Variants in BCL11B observed in about 807,000 individuals in gnomAD.
BCL11B encodes B-cell lymphoma/leukemia 11B.
In BCL11B, 8 loss-of-function variants were observed where a neutral mutation model predicts 49.9. The ratio of observed to expected loss-of-function variants is 0.16; its 90% CI spans 0.09 to 0.29. The LOEUF (loss-of-function observed/expected upper bound fraction) is 0.29, where lower values mean the gene tolerates loss of function less well. BCL11B is among the 10% of genes least tolerant of loss of function. BCL11B has a pLI of 1.00. For synonymous variants in BCL11B, 739 were observed against 637.4 expected, an observed-to-expected ratio of 1.16 and a Z score of -2.40; for missense variants, 1,006 against 1,351.0, an observed-to-expected ratio of 0.74 and a Z score of 4.00.
intron 1 of BCL11B, among the ~76,000 whole-genome samples, chr14:99,265,865 T>C (rs1269704055): frequency 6.6e-6 from 1 of 152,238 alleles, no homozygotes; most frequent in Non-Finnish European, 1.5e-5. Flanking sequence ...TGTCGCAGGG[T>C]AACCTCTTCT....
Position 99,262,669 on chromosome 14 carries a change from G to T in BCL11B, c.59-4830C>A, listed in dbSNP as rs530118834. ...CTACGAAGAGGGAGCTCTTGCCAGC[G>T]AGCCCATGCTTACCCATAATCTACG... is the stretch of plus-strand genomic sequence containing the variant. On this transcript the variant is annotated intron_variant, in intron 1 of 3. Transcript: ENST00000357195. The surrounding 1 kb of genome is among the most constrained non-coding windows in gnomAD (Gnocchi z 4.2). Among the ~76,000 whole-genome samples, 13 of 152,124 alleles carry T rather than the reference G, an allele frequency of 8.5e-5. No individual in the cohort carries two copies. Among genetic ancestry groups the T allele is most frequent in the African/African-American group, 2.9e-4 (12 of 41,422 alleles).
intron 3 of BCL11B, among the ~76,000 whole-genome samples, chr14:99,220,145 A>T (rs1339884258): frequency 6.6e-6 from 1 of 152,248 alleles, no homozygotes; most frequent in Non-Finnish European, 1.5e-5. Flanking sequence ...ACTGTTGGTG[A>T]GAATGTAAAA....
chr14:99,239,740 C>T (rs997226435), intron 2 of BCL11B, among the ~76,000 whole-genome samples: 3 of 152,166 alleles, frequency 2.0e-5, no homozygotes, highest in Non-Finnish European at 4.4e-5. Context: ...CTGGCCCTCC[C>T]TAAAACATGT....
At chr14:99,230,238 C>T (rs1337211464) in intron 3 of BCL11B, among the ~76,000 whole-genome samples, 1 of 152,236 alleles carries the variant, frequency 6.6e-6, no homozygotes, top group Non-Finnish European at 1.5e-5. Flanking sequence ...GTGGCTCCAT[C>T]AGGGACCGCC....
At position 99,173,361 on chromosome 14, in the gene BCL11B, G is replaced by T. The variant is rs538921770; in HGVS notation, c.*790C>A. On this transcript the variant is annotated 3_prime_UTR_variant, in exon 4 of 4. Transcript: ENST00000357195. ...CTATCTCTGGCGGCGCTGAGTCTGTGGGGTGCCTCCCCCAGCACCACCACT... is the reference window on the plus strand; with the variant it reads ...CTATCTCTGGCGGCGCTGAGTCTGTTGGGTGCCTCCCCCAGCACCACCACT... 2.0e-4 allele frequency: 45 copies of T among 221,230 alleles called. No homozygotes were observed. The South Asian group carries it at 8.0e-3, about 39-fold the overall frequency. 13.7% of individuals were successfully genotyped at this position (221,230 alleles called of 1,614,324 possible). A position where few individuals can be genotyped will look rare whatever the true frequency, so the allele number is the denominator to read the frequency against.
chr14:99,268,684 G>A (rs1341152626), intron 1 of BCL11B, among the ~76,000 whole-genome samples: 2 of 152,134 alleles, frequency 1.3e-5, no homozygotes, highest in Middle Eastern at 3.2e-3. Flanking sequence ...GCTGCTTTTG[G>A]ATAATAAATA....
chr14:99,191,423 A>G (rs1887025754), intron 3 of BCL11B, among the ~76,000 whole-genome samples: 1 of 152,094 alleles, frequency 6.6e-6, no homozygotes, highest in Non-Finnish European at 1.5e-5. Context: ...AAATAGACTG[A>G]AAGAGAAAGT....
chr14:99,229,351 C>G (rs1335379548), intron 3 of BCL11B, among the ~76,000 whole-genome samples: 1 of 151,802 alleles, frequency 6.6e-6, no homozygotes, highest in East Asian at 1.9e-4. Context: ...TGTATGAGGA[C>G]TTGCTGATGG....
At chr14:99,218,975 C>T (rs1595256543) in intron 3 of BCL11B, among the ~76,000 whole-genome samples, 1 of 152,186 alleles carries the variant, frequency 6.6e-6, no homozygotes, top group African/African-American at 2.4e-5. Context: ...GCCCTGCCGA[C>T]CCCTCCATCT....
chr14:99,208,159 T>C (rs2693690), intron 3 of BCL11B, among the ~76,000 whole-genome samples: 16,008 of 152,094 alleles, frequency 0.11, 1,307 homozygotes, highest in African/African-American at 0.22. Flanking sequence ...CCCACAGGGG[T>C]GTCTGAAAGC....
chr14:99,266,793 A>C (rs761661245), intron 1 of BCL11B, among the ~76,000 whole-genome samples: 1 of 152,218 alleles, frequency 6.6e-6, no homozygotes, highest in Non-Finnish European at 1.5e-5. Flanking sequence ...ATCAACCAAA[A>C]GCCAATTCAA....
At chr14:99,244,465 G>A (rs1409780225) in intron 2 of BCL11B, among the ~76,000 whole-genome samples, 3 of 152,090 alleles carry the variant, frequency 2.0e-5, no homozygotes, top group South Asian at 2.1e-4. Context: ...AATCAAACAC[G>A]AGAATCTGCC....
At chr14:99,203,167 T>C (rs807565) in intron 3 of BCL11B, among the ~76,000 whole-genome samples, 122,931 of 152,140 alleles carry the variant, frequency 0.81, 49,871 homozygotes, top group Admixed American at 0.84. Flanking sequence ...CACTGCCCCA[T>C]GTGTTCCCGT....
chr14:99,229,901 G>A (rs986607954), intron 3 of BCL11B, among the ~76,000 whole-genome samples: 4 of 152,024 alleles, frequency 2.6e-5, no homozygotes, highest in Non-Finnish European at 5.9e-5. Flanking sequence ...TCACAGAACA[G>A]ATCTACTGAA....
chr14:99,181,074 A>G (rs1322986212), intron 3 of BCL11B, among the ~76,000 whole-genome samples: 1 of 152,194 alleles, frequency 6.6e-6, no homozygotes, highest in Non-Finnish European at 1.5e-5. Flanking sequence ...TTATTATCCA[A>G]TGAAAAGGCC....
At position 99,173,454 on chromosome 14, in the gene BCL11B, A is replaced by G. The variant is rs987757845; in HGVS notation, c.*697T>C. On this transcript the variant is annotated 3_prime_UTR_variant, in exon 4 of 4. Coordinates refer to ENST00000357195, the MANE Select transcript of BCL11B (RefSeq NM_138576.4). Reference sequence around the variant, plus strand: ...AAAAGGCCGCTTGACTCGGGACGACATGAGTGCTACATCTCCATTCCAGTT... The same window carrying G: ...AAAAGGCCGCTTGACTCGGGACGACGTGAGTGCTACATCTCCATTCCAGTT... 2.3e-5 allele frequency: 5 copies of G among 216,764 alleles called. No individual in the cohort carries two copies. Among genetic ancestry groups the G allele is most frequent in the African/African-American group, 1.1e-4 (5 of 44,336 alleles). 13.4% of individuals were successfully genotyped at this position (216,764 alleles called of 1,614,324 possible). A position where few individuals can be genotyped will look rare whatever the true frequency, so the allele number is the denominator to read the frequency against.
chr14:99,204,819 G>A (rs143531084), intron 3 of BCL11B, among the ~76,000 whole-genome samples: 144 of 152,362 alleles, frequency 9.5e-4, no homozygotes, highest in African/African-American at 3.4e-3. Context: ...GGTCTCTGAA[G>A]GCTGTCACGA....
chr14:99,170,875 T>G lies in BCL11B; in HGVS notation c.*3276A>C, dbSNP rs1417753787. On this transcript the variant is annotated 3_prime_UTR_variant, in exon 4 of 4. Transcript: ENST00000357195. ...AATCACCAGCTCCTTTTATGATATT[T>G]GTGTTTGTTTCACAATTTCTCAAGG... The G allele has an allele frequency of 4.3e-5, 10 of 232,546 alleles. No individual in the cohort carries two copies. The highest frequency in any genetic ancestry group is 8.5e-5 in the Non-Finnish European group (10 of 117,652). 14.4% of individuals were successfully genotyped at this position (232,546 alleles called of 1,614,324 possible).
intron 3 of BCL11B, among the ~76,000 whole-genome samples, chr14:99,230,669 A>G (rs1888301990): frequency 6.6e-6 from 1 of 152,196 alleles, no homozygotes; most frequent in Admixed American, 6.5e-5. Flanking sequence ...GCCCATCTGT[A>G]GAATGGGCAG....
Sources: allele counts gnomAD v4.1 joint callset (sites outside exome capture counted in the v4.1 genomes callset), GRCh38; gene constraint gnomAD v4.1.1; non-coding constraint Gnocchi (gnomAD v3.1); transcripts MANE v1.5; gene names NCBI Gene and HGNC (gene_info 2026-07-23, HGNC 2026-07-21).